The following CPVL variants were observed in gnomAD, a reference collection of about 807,000 sequenced individuals.
The protein encoded by CPVL is carboxypeptidase vitellogenic like.
In CPVL, 51 loss-of-function variants were observed where a neutral mutation model predicts 63.7. That is an observed-to-expected ratio of 0.80 (90% confidence interval 0.64 to 1.01). The LOEUF (loss-of-function observed/expected upper bound fraction) is 1.01, where lower values mean the gene tolerates loss of function less well. Among genes scored for constraint, CPVL ranks in the 50% least tolerant of loss-of-function variants. The pLI, the probability that CPVL is intolerant of heterozygous loss-of-function variation, is 0.00. For missense variants in CPVL, 530 were observed against 573.1 expected (o/e 0.92, Z 0.77); for synonymous variants, 195 against 206.0 (o/e 0.95, Z 0.46).
chr7:28,996,548 A>C (rs1359566847), intron 12 of CPVL, among the ~76,000 whole-genome samples: 3 of 150,248 alleles, frequency 2.0e-5, no homozygotes, highest in Non-Finnish European at 4.4e-5. Flanking sequence ...AAACCAAAAA[A>C]CAAAAAAAAA....
At chr7:29,123,664 T>C (rs1789663864) in intron 1 of CPVL, among the ~76,000 whole-genome samples, 1 of 102,234 alleles carries the variant, frequency 9.8e-6, no homozygotes, top group South Asian at 3.5e-4. Flanking sequence ...TATGCAATAT[T>C]AAAAAAAAAT....
intron 2 of CPVL, among the ~76,000 whole-genome samples, chr7:29,120,566 G>A (rs1247295524): frequency 6.6e-6 from 1 of 151,988 alleles, no homozygotes; most frequent in Non-Finnish European, 1.5e-5. Flanking sequence ...GCTCACAGCT[G>A]TAATCCCAGC....
chr7:29,017,149 C>G (rs1158282744), intron 12 of CPVL, among the ~76,000 whole-genome samples: 1 of 152,204 alleles, frequency 6.6e-6, no homozygotes, highest in Non-Finnish European at 1.5e-5. Flanking sequence ...GGCTATGAGC[C>G]AGACTATGCA....
intron 11 of CPVL, among the ~76,000 whole-genome samples, chr7:29,061,754 C>G (rs938463329): frequency 4.6e-5 from 7 of 152,082 alleles, no homozygotes; most frequent in Non-Finnish European, 7.3e-5. Flanking sequence ...TGAGACCAAT[C>G]TGACCAACAC....
chr7:29,010,414 T>C (rs1198890726), intron 12 of CPVL: 1 of 151,804 alleles, frequency 6.6e-6, no homozygotes, highest in Non-Finnish European at 1.5e-5. Context: ...AACAGGGATG[T>C]TTCAAATTAT....
intron 12 of CPVL, chr7:29,009,148 T>C (rs1209017502): frequency 6.9e-6 from 1 of 144,418 alleles, no homozygotes; most frequent in Non-Finnish European, 1.5e-5. Context: ...CTGCCTTCGC[T>C]GTGTGTGTGT....
Position 29,086,465 on chromosome 7 carries a change from A to G in CPVL, c.609+19T>C. The G allele has an allele frequency of 6.3e-7, 1 of 1,578,612 alleles. No individual in the cohort carries two copies. The highest frequency in any genetic ancestry group is 8.7e-7 in the Non-Finnish European group (1 of 1,147,962). ...CTGGTGATGTTTGAAGCACACAAGG[A>G]AACGTGACTTCTACTTACCTCCCCA... On this transcript the variant is annotated intron_variant, in intron 7 of 12. Transcript: ENST00000265394.
Position 29,064,091 on chromosome 7 carries a change from T to G in CPVL, c.1107A>C (p.Pro369=). ...AATTATTCATGATTTCAGTTAACCA[T>G]GGCTTAACTGACTGTACTGTATCTT... The part of the protein sequence containing the change: ...LREDTVQSVK[P]WLTEIMNNYK... Residue 369 remains proline (P), a synonymous_variant, in exon 11 of 13, where the codon CCA becomes CCC. Coordinates refer to ENST00000265394, the MANE Select transcript of CPVL (RefSeq NM_031311.5). 1 of 1,612,978 alleles carries G rather than the reference T, an allele frequency of 6.2e-7. No individual in the cohort carries two copies. The highest frequency in any genetic ancestry group is 1.3e-5 in the African/African-American group (1 of 75,000).
At position 29,030,590 on chromosome 7, in the gene CPVL, C is replaced by T. The variant is rs774789923; in HGVS notation, c.1307G>A (p.Gly436Asp). ...GCATCTTCCTACCTGATGGAAGTCACCCGCTTGCCGGATGTAACCAGCCAC... is the reference window on the plus strand; with the variant it reads ...GCATCTTCCTACCTGATGGAAGTCATCCGCTTGCCGGATGTAACCAGCCAC... ...SEVAGYIRQA[G>D]DFHQVIIRGG... is the part of the protein sequence containing the mutation. The change falls in exon 12 of 13, where the codon GGT (glycine) becomes GAT (aspartate). Residue 436 changes from glycine (G) to aspartate (D), a missense_variant. Transcript: ENST00000265394. 32 of 1,611,758 alleles carry T rather than the reference C, an allele frequency of 2.0e-5. No homozygotes were observed. The highest frequency in any genetic ancestry group is 3.3e-5 in the Admixed American group (2 of 59,820).
rs1183770768 is a variant in CPVL, at chr7:29,047,047, AACAAGCCATTTGTC to A, written c.1138-16302_1138-16289del. Among the ~76,000 whole-genome samples, 7 of 152,342 alleles carry A rather than the reference AACAAGCCATTTGTC, an allele frequency of 4.6e-5. No homozygotes were observed. The East Asian group carries it at 1.3e-3, about 29-fold the overall frequency. On this transcript the variant is annotated intron_variant, in intron 11 of 12. Coordinates refer to ENST00000265394, the MANE Select transcript of CPVL (RefSeq NM_031311.5). The stretch of plus-strand genomic sequence containing the variant: ...GTAAAGGTGGTTTATAGTACAAATG[AACAAGCCATTTGTC>A]TTCCGTCATTCCATCCTTTCTTTTC...
At chr7:29,022,345 C>A (rs1397016862) in intron 12 of CPVL, among the ~76,000 whole-genome samples, 3 of 152,192 alleles carry the variant, frequency 2.0e-5, no homozygotes, top group Non-Finnish European at 4.4e-5. Flanking sequence ...GGCCGACCTA[C>A]CACCCCCACT....
At chr7:29,123,930 A>T (rs561076619) in intron 1 of CPVL, among the ~76,000 whole-genome samples, 10 of 152,166 alleles carry the variant, frequency 6.6e-5, no homozygotes, top group Admixed American at 6.5e-4. Flanking sequence ...AATCTAATAC[A>T]TAAAAGTAAG....
chr7:29,085,019 C>A (rs1785073325), intron 7 of CPVL, among the ~76,000 whole-genome samples: 1 of 152,112 alleles, frequency 6.6e-6, no homozygotes, highest in African/African-American at 2.4e-5. Context: ...GAGAAGAGAA[C>A]CTTGTGGTAT....
rs115842301 is a variant in CPVL, at chr7:29,182,058, C to T, written c.-133-646G>A. 7.7e-3 allele frequency among the ~76,000 whole-genome samples: 1,174 copies of T among 152,268 alleles called. 20 individuals are homozygous for T. The highest frequency in any genetic ancestry group is 0.026 in the African/African-American group (1,094 of 41,558). On this transcript the variant is annotated intron_variant, in intron 4 of 16. Transcript: ENST00000409850. Reference sequence around the variant, plus strand: ...AATTATAACTATTTCTTTCAGTGCTCTGAAAGATGGAATATTTTTTAAAAA... The same window carrying T: ...AATTATAACTATTTCTTTCAGTGCTTTGAAAGATGGAATATTTTTTAAAAA...
At chr7:29,113,205 C>T (rs375647676) in intron 2 of CPVL, among the ~76,000 whole-genome samples, 1 of 151,978 alleles carries the variant, frequency 6.6e-6, no homozygotes, top group Non-Finnish European at 1.5e-5. Flanking sequence ...TGACCTGAAA[C>T]AGTGGGGTGC....
At chr7:29,070,254 A>C (rs539039105) in intron 9 of CPVL, among the ~76,000 whole-genome samples, 2 of 152,144 alleles carry the variant, frequency 1.3e-5, no homozygotes, top group African/African-American at 4.8e-5. Context: ...TGAATACACA[A>C]CACACCTGAA....
intron 12 of CPVL, among the ~76,000 whole-genome samples, chr7:29,006,963 T>C (rs1165602757): frequency 6.6e-6 from 1 of 152,244 alleles, no homozygotes; most frequent in Admixed American, 6.5e-5. Context: ...AGTCTTTGGT[T>C]ACACTTCAAA....
intron 11 of CPVL, among the ~76,000 whole-genome samples, chr7:29,048,263 T>A (rs1411176507): frequency 6.6e-6 from 1 of 152,118 alleles, no homozygotes; most frequent in Non-Finnish European, 1.5e-5. Context: ...ACTTAAAAGA[T>A]ACAGAACTGC....
At chr7:29,052,400 C>T (rs1790268393) in intron 11 of CPVL, among the ~76,000 whole-genome samples, 1 of 140,920 alleles carries the variant, frequency 7.1e-6, no homozygotes, top group Admixed American at 7.2e-5. Context: ...GTTTTTAAAC[C>T]TATTTTTAAC....
Sources: allele counts gnomAD v4.1 joint callset (sites outside exome capture counted in the v4.1 genomes callset), GRCh38; gene constraint gnomAD v4.1.1; transcripts MANE v1.5; gene names NCBI Gene and HGNC (gene_info 2026-07-23, HGNC 2026-07-21).